The following PTBP2 variants were observed in gnomAD, a reference collection of about 807,000 sequenced individuals.
PTBP2 encodes the protein polypyrimidine tract-binding protein 2.
PTBP2 carries 13 observed loss-of-function variants against 61.4 expected under a neutral mutation model. That is an observed-to-expected ratio of 0.21 (90% CI 0.14 to 0.34). The LOEUF (loss-of-function observed/expected upper bound fraction) is 0.34. Among genes scored for constraint, PTBP2 ranks in the 10% least tolerant of loss-of-function variants. PTBP2 has a pLI of 1.00. For missense variants in PTBP2, 405 were observed against 642.6 expected (o/e 0.63, Z 4.00); for synonymous variants, 215 against 218.5 (o/e 0.98, Z 0.14).
intron 2 of PTBP2, among the ~76,000 whole-genome samples, chr1:96,727,936 A>AT (rs1650817615): frequency 1.3e-5 from 2 of 151,864 alleles, no homozygotes; most frequent in African/African-American, 4.8e-5. Context: ...TGTCTGAGCC[A>AT]TTTTTGCCTG....
intron 8 of PTBP2, among the ~76,000 whole-genome samples, chr1:96,799,090 A>G (rs1458737392): frequency 6.6e-6 from 1 of 152,084 alleles, no homozygotes; most frequent in Non-Finnish European, 1.5e-5. Flanking sequence ...TCAGTGGAGG[A>G]AAGGTTAGGA....
intron 8 of PTBP2, among the ~76,000 whole-genome samples, chr1:96,798,601 T>TA (rs373900776): frequency 4.6e-5 from 7 of 152,142 alleles, no homozygotes; most frequent in African/African-American, 1.7e-4. Context: ...TTCAAAATCA[T>TA]AGAGTAAACT....
intron 2 of PTBP2, among the ~76,000 whole-genome samples, chr1:96,746,852 C>CCCCCT (rs1653864127): frequency 3.4e-5 from 3 of 87,124 alleles, no homozygotes; most frequent in Non-Finnish European, 6.6e-5. Flanking sequence ...TCCCTCCCTC[C>CCCCCT]CCCTCCCTCC....
rs571213925 is a variant in PTBP2, at chr1:96,763,384, C to T, written c.116-6319C>T. 1.3e-3 allele frequency among the ~76,000 whole-genome samples: 198 copies of T among 152,108 alleles called. 1 individual carries two copies. In the Middle Eastern group the frequency reaches 0.014, roughly 10 times the overall value. ...CGCGGTTAGGAGCTGCAGACCAGCC[C>T]GGCCAACACAGCGAAACCCCGTCTC... On this transcript the variant is annotated intron_variant, in intron 3 of 13. Coordinates refer to ENST00000674951, the MANE Select transcript of PTBP2 (RefSeq NM_021190.4).
chr1:96,812,965 TATTTTGATAA>T, intron 12 of PTBP2, 37 bp downstream of exon 12: 5 of 1,594,374 alleles, frequency 3.1e-6, no homozygotes, highest in Non-Finnish European at 4.3e-6. Context: ...AGATACATTC[TATTTTGATAA>T]AATATGAAAT....
At chr1:96,777,208 C>T (rs1230326003) in intron 5 of PTBP2, among the ~76,000 whole-genome samples, 3 of 152,068 alleles carry the variant, frequency 2.0e-5, no homozygotes, top group East Asian at 1.9e-4. Context: ...AGATTTACAA[C>T]GTACCTGTTT....
rs145363773 is a variant in PTBP2, at chr1:96,769,767, A to G, written c.180A>G (p.Val60=). The change falls in exon 4 of 14, where the codon GTA becomes GTG. Residue 60 remains valine (V), a synonymous_variant. Coordinates refer to ENST00000674951, the MANE Select transcript of PTBP2 (RefSeq NM_021190.4). ...EDKMDGAPSR[V]LHIRKLPGEV... is the part of the protein sequence containing the mutation. ...AAATGGATGGTGCTCCTTCTCGTGT[A>G]CTTCATATTCGAAAATTACCTGGGG... The G allele has an allele frequency of 3.5e-5, 57 of 1,611,708 alleles. No individual in the cohort carries two copies. The African/African-American group carries it at 5.5e-4, about 15-fold the overall frequency.
At chr1:96,816,352 A>G (rs576560112), downstream of PTBP2, 3 of 152,310 alleles carry the variant, frequency 2.0e-5, no homozygotes, top group East Asian at 5.8e-4. Context: ...GCTTTGTCGT[A>G]TATTAGTACT....
At chr1:96,724,170 C>T (rs1184886902) in intron 2 of PTBP2, among the ~76,000 whole-genome samples, 1 of 152,156 alleles carries the variant, frequency 6.6e-6, no homozygotes, top group African/African-American at 2.4e-5. Flanking sequence ...GAAAACTACT[C>T]ATCGTTTAAA....
intron 2 of PTBP2, among the ~76,000 whole-genome samples, chr1:96,734,588 T>A (rs545425845): frequency 4.6e-5 from 7 of 152,172 alleles, no homozygotes; most frequent in African/African-American, 1.7e-4. Flanking sequence ...GTTTTTTTTT[T>A]AAGTTGCATT....
chr1:96,731,287 AAGTGTGTATGGG>A (rs1475985678), intron 2 of PTBP2, among the ~76,000 whole-genome samples: 1 of 152,194 alleles, frequency 6.6e-6, no homozygotes, highest in African/African-American at 2.4e-5. Flanking sequence ...TGTTTTTCAC[AAGTGTGTATGGG>A]AGTGCCTATT....
At chr1:96,772,950 TA>T (rs1657549302) in intron 5 of PTBP2, among the ~76,000 whole-genome samples, 1 of 131,344 alleles carries the variant, frequency 7.6e-6, no homozygotes, top group Admixed American at 7.4e-5. Context: ...CTGAGTCTAC[TA>T]AAAATACAAA....
chr1:96,804,342 A>T (rs1358450470), intron 8 of PTBP2, among the ~76,000 whole-genome samples: 1 of 152,174 alleles, frequency 6.6e-6, no homozygotes, highest in African/African-American at 2.4e-5. Flanking sequence ...TTTGTTTCAT[A>T]AGCTGTAATT....
chr1:96,745,770 A>T (rs780544397), intron 2 of PTBP2, among the ~76,000 whole-genome samples: 8 of 152,012 alleles, frequency 5.3e-5, no homozygotes, highest in Non-Finnish European at 1.2e-4. Flanking sequence ...TTGAATATTT[A>T]AAGATTTTGA....
At chr1:96,810,169 T>G (rs1399397466) in intron 11 of PTBP2, among the ~76,000 whole-genome samples, 2 of 152,168 alleles carry the variant, frequency 1.3e-5, no homozygotes, top group Admixed American at 1.3e-4. Flanking sequence ...TTAAGGGAAA[T>G]GTAAAAAATT....
intron 2 of PTBP2, among the ~76,000 whole-genome samples, chr1:96,744,123 C>G (rs557667524): frequency 6.6e-6 from 1 of 151,850 alleles, no homozygotes; most frequent in Non-Finnish European, 1.5e-5. Flanking sequence ...CCTGGGGAGG[C>G]TGAGGCAGAA....
chr1:96,758,258 T>C (rs990933041), intron 3 of PTBP2, among the ~76,000 whole-genome samples: 3 of 152,184 alleles, frequency 2.0e-5, no homozygotes, highest in Admixed American at 6.5e-5. Context: ...TACTGTATTA[T>C]ACAAATTGGA....
intron 1 of PTBP2, 119 bp downstream of exon 1, chr1:96,721,991 C>G (rs1214813800): frequency 7.5e-7 from 1 of 1,326,904 alleles, no homozygotes; most frequent in African/African-American, 1.5e-5. Flanking sequence ...GCTGCCGTTA[C>G]CCAACCCCCG....
chr1:96,723,733 T>G, intron 2 of PTBP2, 139 bp downstream of exon 2: 1 of 660,054 alleles, frequency 1.5e-6, no homozygotes, highest in Non-Finnish European at 2.5e-6. Flanking sequence ...TTTGTAAAGT[T>G]GGACCATATA....
Sources: allele counts gnomAD v4.1 joint callset (sites outside exome capture counted in the v4.1 genomes callset), GRCh38; gene constraint gnomAD v4.1.1; transcripts MANE v1.5; gene names NCBI Gene and HGNC (gene_info 2026-07-23, HGNC 2026-07-21).